The following SLC9C1 variants were observed in gnomAD, a reference collection of about 807,000 sequenced individuals.
SLC9C1 encodes the protein sodium/hydrogen exchanger 10.
A neutral mutation model predicts 140.9 loss-of-function variants in SLC9C1; 97 were observed. The ratio of observed to expected loss-of-function variants is 0.69; its 90% CI spans 0.58 to 0.82. The LOEUF is 0.82. SLC9C1 is among the 40% of genes least tolerant of loss of function. SLC9C1 has a pLI of 0.00. For missense variants in SLC9C1, 1,340 were observed against 1,389.3 expected (o/e 0.96, Z 0.56); for synonymous variants, 440 against 442.6 (o/e 0.99, Z 0.07).
At chr3:112,232,408 T>C (rs536703272) in intron 12 of SLC9C1, among the ~76,000 whole-genome samples, 5 of 152,252 alleles carry the variant, frequency 3.3e-5, no homozygotes, top group African/African-American at 1.2e-4. Flanking sequence ...TCAGCAAAAG[T>C]TCACAATCAG....
intron 9 of SLC9C1, 86 bp downstream of exon 9, chr3:112,264,114 G>C: frequency 1.6e-6 from 1 of 623,908 alleles, no homozygotes; most frequent in Non-Finnish European, 2.3e-6. Context: ...TTCAATCTAA[G>C]GTACGAAATC....
chr3:112,168,309 C>T (rs954962384), intron 25 of SLC9C1, among the ~76,000 whole-genome samples: 1 of 147,934 alleles, frequency 6.8e-6, no homozygotes, highest in African/African-American at 2.5e-5. Context: ...GATTCTCCCC[C>T]AACACAAAAC....
intron 1 of SLC9C1, among the ~76,000 whole-genome samples, chr3:112,288,584 C>G (rs1165517475): frequency 6.6e-6 from 1 of 152,146 alleles, no homozygotes; most frequent in Non-Finnish European, 1.5e-5. Flanking sequence ...TAGCAAGCCT[C>G]CATTGCTACA....
At chr3:112,198,360 C>A (rs1353426201) in intron 20 of SLC9C1, among the ~76,000 whole-genome samples, 2 of 151,972 alleles carry the variant, frequency 1.3e-5, no homozygotes, top group African/African-American at 4.8e-5. Context: ...AATCAGTCAA[C>A]AAATAATAGC....
intron 10 of SLC9C1, among the ~76,000 whole-genome samples, chr3:112,246,062 G>A (rs755719267): frequency 5.3e-5 from 8 of 151,946 alleles, no homozygotes; most frequent in Non-Finnish European, 8.8e-5. Context: ...TTCAAAATAC[G>A]GTCATGTTGA....
At chr3:112,175,211 T>G (rs548028295) in intron 23 of SLC9C1, among the ~76,000 whole-genome samples, 14 of 152,306 alleles carry the variant, frequency 9.2e-5, no homozygotes, top group Admixed American at 2.6e-4. Flanking sequence ...GCTGCTGCAG[T>G]ATGCTGGGTG....
At chr3:112,195,138 A>T (rs763423012) in intron 20 of SLC9C1, among the ~76,000 whole-genome samples, 3 of 152,104 alleles carry the variant, frequency 2.0e-5, no homozygotes, top group Non-Finnish European at 4.4e-5. Flanking sequence ...CCTGAAGTGC[A>T]CTTTGTCTAT....
At position 112,168,933 on chromosome 3, in the gene SLC9C1, A is replaced by G; in HGVS notation, c.3181T>C (p.Cys1061Arg). 4 of 1,606,520 alleles carry G rather than the reference A, an allele frequency of 2.5e-6. No individual in the cohort carries two copies. The highest frequency in any genetic ancestry group is 1.7e-5 in the Admixed American group (1 of 58,088). ...GCTCTATAAGTTTTTCGTAACAGACAATCTTCTACAGCTCCATGTATGAGG... is the reference window on the plus strand; with the variant it reads ...GCTCTATAAGTTTTTCGTAACAGACGATCTTCTACAGCTCCATGTATGAGG... The part of the protein sequence containing the change: ...VILIHGAVED[C>R]LLRKTYRAPF... The change falls in exon 25 of 29, where the codon TGT becomes CGT. Residue 1061 changes from cysteine to arginine, a missense_variant. Transcript: ENST00000305815.
chr3:112,264,431 T>C, intron 8 of SLC9C1, 88 bp from the exon 9 acceptor site: 8 of 711,520 alleles, frequency 1.1e-5, no homozygotes, highest in Non-Finnish European at 1.6e-5. Context: ...ATCATTGTGC[T>C]AATGATTACC....
At chr3:112,193,358 T>G (rs1000425109) in intron 20 of SLC9C1, among the ~76,000 whole-genome samples, 1 of 152,172 alleles carries the variant, frequency 6.6e-6, no homozygotes, top group African/African-American at 2.4e-5. Context: ...TGGGCTTTTT[T>G]TCTGGTCTGG....
intron 15 of SLC9C1, among the ~76,000 whole-genome samples, chr3:112,210,172 C>T (rs1284520887): frequency 6.6e-6 from 1 of 152,126 alleles, no homozygotes; most frequent in Non-Finnish European, 1.5e-5. Context: ...GGGATATGCC[C>T]TTGAGTAGAA....
Position 112,224,538 on chromosome 3 carries a change from A to G in SLC9C1, c.1573-3313T>C, listed in dbSNP as rs572347136. 4.6e-5 allele frequency among the ~76,000 whole-genome samples: 7 copies of G among 152,306 alleles called. No homozygotes were observed. In the East Asian group the frequency reaches 9.6e-4, roughly 21 times the overall value. The stretch of plus-strand genomic sequence containing the variant: ...TAATGATATTAAGGAAACTCAGCAG[A>G]CACAATAAAATCGAAAAGCAATTCA... On this transcript the variant is annotated intron_variant, in intron 13 of 28. Transcript: ENST00000305815.
intron 26 of SLC9C1, among the ~76,000 whole-genome samples, chr3:112,158,409 A>G (rs2075187830): frequency 6.6e-6 from 1 of 151,714 alleles, no homozygotes; most frequent in South Asian, 2.1e-4. Context: ...TGTATTGTTG[A>G]ATTTGGTTTG....
intron 23 of SLC9C1, among the ~76,000 whole-genome samples, chr3:112,178,672 C>T (rs377504856): frequency 1.3e-5 from 2 of 152,184 alleles, no homozygotes; most frequent in African/African-American, 4.8e-5. Context: ...TACATCATGC[C>T]TGGTTGTCCC....
chr3:112,177,129 T>C (rs977270386), intron 23 of SLC9C1, among the ~76,000 whole-genome samples: 4 of 151,444 alleles, frequency 2.6e-5, no homozygotes, highest in Non-Finnish European at 5.9e-5. Context: ...GCCTCAGCCT[T>C]CTAAGTAGTT....
rs1404446887 is a variant in SLC9C1 at position 112,151,909 on chromosome 3, C to A, written c.3472G>T (p.Gly1158Trp). 6.2e-7 allele frequency: 1 copy of A among 1,609,180 alleles called. No homozygotes were observed. The highest frequency in any genetic ancestry group is 1.3e-5 in the African/African-American group (1 of 74,680). The change falls in exon 28 of 29, where the codon GGG becomes TGG. Residue 1158 changes from glycine (G) to tryptophan (W), a missense_variant. Physicochemically the swap from Gly to Trp is radical, Grantham distance 184. Coordinates refer to ENST00000305815, the MANE Select transcript of SLC9C1 (RefSeq NM_183061.3). ...ARSPQPCSLL[G>W]TKFNCKESPR... is the part of the protein sequence containing the mutation. ...GACTCCTTACAGTTGAACTTTGTCC[C>A]CAGCAGGGAGCAAGGCTGGGGACTC...
Position 112,166,500 on chromosome 3 carries a change from C to T in SLC9C1, c.3364+721G>A, listed in dbSNP as rs914118738. On this transcript the variant is annotated intron_variant, in intron 26 of 28. Transcript: ENST00000305815. ...TGGACAGCACCTCTTCACAGGGCAG[C>T]AGGAGAGAGAATCCCACATTGTGTT... is the stretch of plus-strand genomic sequence containing the variant. Among the ~76,000 whole-genome samples the T allele has an allele frequency of 2.0e-5, 3 of 152,196 alleles. No homozygotes were observed. In the East Asian group the frequency reaches 5.8e-4, roughly 29 times the overall value.
At chr3:112,211,605 A>T (rs1444821377) in intron 15 of SLC9C1, among the ~76,000 whole-genome samples, 1 of 152,222 alleles carries the variant, frequency 6.6e-6, no homozygotes, top group Non-Finnish European at 1.5e-5. Context: ...AGCCTCACTC[A>T]TTGCTAGCAC....
intron 10 of SLC9C1, among the ~76,000 whole-genome samples, chr3:112,250,433 TGGGA>T (rs2079421613): frequency 7.4e-6 from 1 of 135,276 alleles, no homozygotes. Context: ...TACCTAGTAA[TGGGA>T]TGGCTGGGTC....
Sources: allele counts gnomAD v4.1 joint callset (sites outside exome capture counted in the v4.1 genomes callset), GRCh38; gene constraint gnomAD v4.1.1; transcripts MANE v1.5; gene names NCBI Gene and HGNC (gene_info 2026-07-23, HGNC 2026-07-21).